The following PGLYRP4 variants were observed in gnomAD, a reference collection of about 807,000 sequenced individuals.
PGLYRP4 encodes peptidoglycan recognition protein 4, also known as PGRP-I-beta.
Under a neutral mutation model 41.2 loss-of-function variants are expected in PGLYRP4, and 39 were observed. The ratio of observed to expected loss-of-function variants is 0.95; its 90% CI spans 0.73 to 1.24. The LOEUF is 1.24. PGLYRP4 is among the 50% of genes most tolerant of loss of function. PGLYRP4 has a pLI of 0.00. For synonymous variants in PGLYRP4, 202 were observed against 186.8 expected (o/e 1.08, Z -0.66); for missense variants, 467 against 460.7 (o/e 1.01, Z -0.13).
At chr1:153,331,077 A>C in intron 8 of PGLYRP4, 132 bp from the exon 9 acceptor site, 1 of 624,086 alleles carries the variant, frequency 1.6e-6, no homozygotes, top group South Asian at 3.5e-5. Flanking sequence ...GACAGGCAAA[A>C]AAAACAAGGT....
At position 153,340,374 on chromosome 1, in the gene PGLYRP4, C is replaced by T. The variant is rs74604375; in HGVS notation, c.824+7G>A. 9,500 of 1,613,498 alleles carry T rather than the reference C, an allele frequency of 5.9e-3. 237 individuals carry two copies. In the East Asian group the frequency reaches 0.095, roughly 16 times the overall value. ...AAAAGAAGCCCAGTGTACCCAGACC[C>T]ACTCACTTATAACCAATGTCGCATG... On this transcript the variant is annotated splice_region_variant and intron_variant, in intron 7 of 8. Coordinates refer to ENST00000359650, the MANE Select transcript of PGLYRP4 (RefSeq NM_020393.4).
intron 8 of PGLYRP4, among the ~76,000 whole-genome samples, chr1:153,331,984 G>A (rs2916223): frequency 0.41 from 62,456 of 151,846 alleles, 13,358 homozygotes; most frequent in Non-Finnish European, 0.47. Flanking sequence ...CACCTTAAAC[G>A]AAAATGAACT....
intron 3 of PGLYRP4, among the ~76,000 whole-genome samples, chr1:153,345,864 G>A (rs1242482206): frequency 6.6e-6 from 1 of 152,190 alleles, no homozygotes; most frequent in Non-Finnish European, 1.5e-5. Flanking sequence ...TCCACAGGGA[G>A]TCCCTGTCTG....
chr1:153,347,473 A>T (rs1661065433), intron 2 of PGLYRP4, among the ~76,000 whole-genome samples: 1 of 151,758 alleles, frequency 6.6e-6, no homozygotes, highest in South Asian at 2.1e-4. Context: ...GGCTTCAAGC[A>T]ATTCTCCTAC....
At chr1:153,344,395 G>A (rs1179210107) in intron 4 of PGLYRP4, among the ~76,000 whole-genome samples, 2 of 152,206 alleles carry the variant, frequency 1.3e-5, no homozygotes, top group African/African-American at 4.8e-5. Context: ...CTTCCCAGGA[G>A]CTGTGTACAT....
chr1:153,345,663 T>A (rs1289518955), intron 3 of PGLYRP4, among the ~76,000 whole-genome samples: 1 of 152,246 alleles, frequency 6.6e-6, no homozygotes, highest in African/African-American at 2.4e-5. Flanking sequence ...TCAGGAAGCA[T>A]CACCTGCTTA....
intron 8 of PGLYRP4, among the ~76,000 whole-genome samples, chr1:153,335,976 T>C (rs1660540215): frequency 6.6e-6 from 1 of 152,078 alleles, no homozygotes; most frequent in Non-Finnish European, 1.5e-5. Flanking sequence ...CTATTCATAA[T>C]AGCAAAGGCG....
intron 4 of PGLYRP4, among the ~76,000 whole-genome samples, chr1:153,343,744 C>A (rs1660893478): frequency 1.3e-5 from 2 of 152,168 alleles, no homozygotes; most frequent in Admixed American, 1.3e-4. Flanking sequence ...CAAACACCAC[C>A]ACTTTAAATT....
intron 8 of PGLYRP4, among the ~76,000 whole-genome samples, chr1:153,336,384 A>AAC (rs1336667409): frequency 6.6e-6 from 1 of 151,024 alleles, no homozygotes; most frequent in Non-Finnish European, 1.5e-5. Context: ...AAAAAAAAAA[A>AAC]AAAAAAAACA....
chr1:153,335,061 C>T (rs946253896), intron 8 of PGLYRP4, among the ~76,000 whole-genome samples: 3 of 152,070 alleles, frequency 2.0e-5, no homozygotes, highest in Non-Finnish European at 4.4e-5. Context: ...GGATTAAAGA[C>T]TTAAATTTAA....
chr1:153,330,714 G>A lies in PGLYRP4; in HGVS notation c.*53C>T, dbSNP rs1428715559. 5 of 1,521,926 alleles carry A rather than the reference G, an allele frequency of 3.3e-6. No individual in the cohort carries two copies. Among genetic ancestry groups the A allele is most frequent in the Non-Finnish European group, 4.5e-6 (5 of 1,104,008 alleles). 94.3% of individuals were successfully genotyped at this position (1,521,926 alleles called of 1,614,324 possible). The stretch of plus-strand genomic sequence containing the variant: ...TGAGCCAAGCTGGATGGTTAGGACA[G>A]GAGAGACCTGACAGGGGAGGGAAAG... On this transcript the variant is annotated 3_prime_UTR_variant, in exon 9 of 9. Transcript: ENST00000359650.
chr1:153,340,526 G>C lies in PGLYRP4; in HGVS notation c.679C>G (p.Pro227Ala), dbSNP rs774974521. Residue 227 changes from proline to alanine, a missense_variant, in exon 7 of 9, where the codon CCC becomes GCC. Physicochemically the swap from Pro to Ala is conservative, Grantham distance 27 (BLOSUM62 -1). Coordinates refer to ENST00000359650, the MANE Select transcript of PGLYRP4 (RefSeq NM_020393.4). ...SVWGARETHC[P>A]RMTLPAKYGI... ...TACTTCGCTGGGAGAGTCATCCTGG[G>C]ACAGTGGGTCTCCCTGGCTCCCCAC... The C allele has an allele frequency of 1.9e-6, 3 of 1,614,150 alleles. No individual in the cohort carries two copies. In the South Asian group the frequency reaches 3.3e-5, roughly 18 times the overall value.
At chr1:153,340,643 C>A in intron 6 of PGLYRP4, 64 bp from the exon 7 acceptor site, 2 of 1,523,110 alleles carry the variant, frequency 1.3e-6, no homozygotes, top group Non-Finnish European at 1.8e-6. Context: ...ACTTCTCCAC[C>A]GTAGGCTGAT....
At chr1:153,336,098 A>G (rs1557824553) in intron 8 of PGLYRP4, among the ~76,000 whole-genome samples, 1 of 151,978 alleles carries the variant, frequency 6.6e-6, no homozygotes, top group Non-Finnish European at 1.5e-5. Flanking sequence ...TTCAGCCATC[A>G]AAAAATGAAA....
At chr1:153,346,030 C>A in intron 3 of PGLYRP4, 72 bp downstream of exon 3, 1 of 1,161,974 alleles carries the variant, frequency 8.6e-7, no homozygotes, top group Non-Finnish European at 1.3e-6. Flanking sequence ...TTGCAGACCT[C>A]AGAAACATTT....
chr1:153,345,541 A>G (rs776403049), intron 3 of PGLYRP4, among the ~76,000 whole-genome samples, 159 bp from the exon 4 acceptor site: 8 of 151,656 alleles, frequency 5.3e-5, no homozygotes, highest in Non-Finnish European at 8.8e-5. Context: ...TCTCTCCAAC[A>G]CTCACCCCGA....
chr1:153,345,527 C>A, intron 3 of PGLYRP4, 145 bp from the exon 4 acceptor site: 1 of 668,652 alleles, frequency 1.5e-6, no homozygotes. Flanking sequence ...CCTCTACATA[C>A]CCATCTCTCC....
At chr1:153,346,965 G>C (rs1333316885) in intron 2 of PGLYRP4, among the ~76,000 whole-genome samples, 4 of 152,212 alleles carry the variant, frequency 2.6e-5, no homozygotes, top group Non-Finnish European at 2.9e-5. Context: ...GGCAGAGCGA[G>C]GACTTGAATC....
chr1:153,340,701 C>T, intron 6 of PGLYRP4, 122 bp from the exon 7 acceptor site: 1 of 926,694 alleles, frequency 1.1e-6, no homozygotes, highest in South Asian at 1.6e-5. Flanking sequence ...GGTCTCCCAC[C>T]CTGCCCCCAA....
Sources: gnomAD v4.1 joint callset for allele counts (sites outside exome capture counted in the v4.1 genomes callset) on GRCh38, gnomAD v4.1.1 for gene constraint, MANE v1.5 for transcripts, NCBI Gene and HGNC (gene_info 2026-07-23, HGNC 2026-07-21) for gene names.